Variants in FMNL2 observed in about 807,000 individuals in gnomAD.
FMNL2 encodes the protein formin-like protein 2.
Under a neutral mutation model 130.2 loss-of-function variants are expected in FMNL2, and 51 were observed. That is an observed-to-expected ratio of 0.39 (90% CI 0.31 to 0.49). FMNL2 has a LOEUF of 0.49. Among genes scored for constraint, FMNL2 ranks in the 20% least tolerant of loss-of-function variants. The pLI is 0.85. For missense variants in FMNL2, 977 were observed against 1,316.2 expected (o/e 0.74, Z 3.99); for synonymous variants, 465 against 467.1 (o/e 1.00, Z 0.06).
At chr2:152,534,227 G>T (rs944790967) in intron 2 of FMNL2, among the ~76,000 whole-genome samples, 6 of 152,026 alleles carry the variant, frequency 3.9e-5, no homozygotes, top group African/African-American at 1.4e-4. Context: ...CAGACCCTTC[G>T]CACCACTTAT....
chr2:152,468,404 C>T (rs1363244634), intron 1 of FMNL2, among the ~76,000 whole-genome samples: 1 of 152,136 alleles, frequency 6.6e-6, no homozygotes, highest in African/African-American at 2.4e-5. Flanking sequence ...AAAAACACTT[C>T]AGTTACTGGA....
chr2:152,498,572 T>C (rs1691640917), intron 1 of FMNL2, among the ~76,000 whole-genome samples: 1 of 152,194 alleles, frequency 6.6e-6, no homozygotes, highest in African/African-American at 2.4e-5. Context: ...TACTCTTCCT[T>C]CTTCTATTTG....
At chr2:152,414,376 A>G (rs1410023985) in intron 1 of FMNL2, among the ~76,000 whole-genome samples, 1 of 152,102 alleles carries the variant, frequency 6.6e-6, no homozygotes, top group Non-Finnish European at 1.5e-5. Context: ...AATCTCTCTC[A>G]TAGTAGCTCT....
chr2:152,618,880 C>T lies in FMNL2; in HGVS notation c.1349C>T (p.Thr450Ile), dbSNP rs1699086672. 1 of 1,609,208 alleles carries T rather than the reference C, an allele frequency of 6.2e-7. No homozygotes were observed. Among genetic ancestry groups the T allele is most frequent in the Non-Finnish European group, 8.5e-7 (1 of 1,178,384 alleles). Reference sequence around the variant, plus strand: ...AAAGATGCAAATACTCAAGTTCACACATTAAGAAAAATGGTCAAAGAAAAA... The same window carrying T: ...AAAGATGCAAATACTCAAGTTCACATATTAAGAAAAATGGTCAAAGAAAAA... The part of the protein sequence containing the change: ...IYKDANTQVH[T>I]LRKMVKEKEE... The change falls in exon 14 of 26, where the codon ACA (threonine) becomes ATA (isoleucine). Residue 450 changes from threonine to isoleucine, a missense_variant. Physicochemically the swap from Thr to Ile is moderately conservative, Grantham distance 89. Coordinates refer to ENST00000288670, the MANE Select transcript of FMNL2 (RefSeq NM_052905.4).
rs879831420 is a variant in FMNL2, at chr2:152,446,525, T to TA, written c.118-75409dup. 7.0e-3 allele frequency among the ~76,000 whole-genome samples: 1,054 copies of TA among 151,386 alleles called. 11 individuals are homozygous for TA. Among genetic ancestry groups the TA allele is most frequent in the African/African-American group, 0.024 (995 of 41,320 alleles). On this transcript the variant is annotated intron_variant, in intron 1 of 25. Transcript: ENST00000288670. The stretch of plus-strand genomic sequence containing the variant: ...TTGTTTGAAATTTTACATAATAGGT[T>TA]AAAAAAAAAGCATGCTCTTAGAGAA...
intron 20 of FMNL2, among the ~76,000 whole-genome samples, chr2:152,630,179 G>A (rs1242583633): frequency 1.3e-5 from 2 of 152,132 alleles, no homozygotes; most frequent in Non-Finnish European, 2.9e-5. Context: ...CAATCTAAAG[G>A]TCTAACTGTG....
At chr2:152,415,233 A>G (rs1686543896) in intron 1 of FMNL2, among the ~76,000 whole-genome samples, 3 of 151,864 alleles carry the variant, frequency 2.0e-5, no homozygotes, top group African/African-American at 7.3e-5. Context: ...CCTCTCAGTG[A>G]TGGAGGAGTT....
At chr2:152,428,898 A>T (rs1687332815) in intron 1 of FMNL2, among the ~76,000 whole-genome samples, 1 of 152,144 alleles carries the variant, frequency 6.6e-6, no homozygotes, top group South Asian at 2.1e-4. Context: ...CTAGAGATTC[A>T]TCTAACACTG....
chr2:152,502,932 A>G (rs1053737871), intron 1 of FMNL2, among the ~76,000 whole-genome samples: 1 of 152,110 alleles, frequency 6.6e-6, no homozygotes, highest in Non-Finnish European at 1.5e-5. Context: ...ATGGTTGACC[A>G]GAAGAAGGTA....
chr2:152,474,888 A>G (rs903632154), intron 1 of FMNL2, among the ~76,000 whole-genome samples: 3 of 152,168 alleles, frequency 2.0e-5, no homozygotes, highest in Admixed American at 6.5e-5. Flanking sequence ...TAAAGGCATA[A>G]TGTTGTCTTA....
chr2:152,368,717 A>G (rs1683705736), intron 1 of FMNL2, among the ~76,000 whole-genome samples: 1 of 152,226 alleles, frequency 6.6e-6, no homozygotes. Context: ...TTAATAATTC[A>G]AAGCAGAAGA....
chr2:152,403,627 A>G (rs1392918939), intron 1 of FMNL2, among the ~76,000 whole-genome samples: 1 of 151,856 alleles, frequency 6.6e-6, no homozygotes, highest in African/African-American at 2.4e-5. Context: ...GTGCCTTTGT[A>G]ATGCTTTCTG....
chr2:152,455,522 G>GAAA (rs1688899755), intron 1 of FMNL2, among the ~76,000 whole-genome samples: 1 of 152,090 alleles, frequency 6.6e-6, no homozygotes, highest in South Asian at 2.1e-4. Context: ...ATTTAGATAT[G>GAAA]GGGGCCACTG....
Position 152,648,113 on chromosome 2 carries a change from A to C in FMNL2, c.*208A>C, listed in dbSNP as rs1683778292. ...AAAAATGGAAGTACCTGTTCAGATT[A>C]ATCAAAGCAATAGGATTTGATTTGA... On this transcript the variant is annotated 3_prime_UTR_variant, in exon 26 of 26. Transcript: ENST00000288670. 2 of 520,068 alleles carry C rather than the reference A, an allele frequency of 3.8e-6. No homozygotes were observed. Among genetic ancestry groups the C allele is most frequent in the Non-Finnish European group, 3.4e-6 (1 of 296,068 alleles). 32.2% of individuals were successfully genotyped at this position (520,068 alleles called of 1,614,324 possible).
At chr2:152,543,608 A>G (rs1280761421) in intron 3 of FMNL2, among the ~76,000 whole-genome samples, 1 of 152,036 alleles carries the variant, frequency 6.6e-6, no homozygotes, top group African/African-American at 2.4e-5. Context: ...TTCTTGAGAA[A>G]AGAATGGTAT....
intron 4 of FMNL2, among the ~76,000 whole-genome samples, chr2:152,558,318 G>GAATCC (rs1045736645): frequency 1.3e-5 from 2 of 152,126 alleles, no homozygotes; most frequent in African/African-American, 4.8e-5. Flanking sequence ...CTTGGATTTG[G>GAATCC]AATCCCGCCT....
chr2:152,372,466 A>C (rs559590823), intron 1 of FMNL2, among the ~76,000 whole-genome samples: 178 of 152,258 alleles, frequency 1.2e-3, no homozygotes, highest in Admixed American at 2.0e-3. Context: ...TTAGAGTTTG[A>C]CATAGGGTTC....
intron 1 of FMNL2, among the ~76,000 whole-genome samples, chr2:152,361,583 C>T (rs756113753): frequency 8.5e-5 from 13 of 152,162 alleles, no homozygotes; most frequent in Non-Finnish European, 1.8e-4. Context: ...GTAGGCCACA[C>T]AAGATAGCAT....
intron 23 of FMNL2, among the ~76,000 whole-genome samples, chr2:152,639,560 A>G (rs1174408870): frequency 6.6e-6 from 1 of 152,206 alleles, no homozygotes; most frequent in Non-Finnish European, 1.5e-5. Flanking sequence ...TCCCCTAACA[A>G]TAGGCAGAAG....
Sources: gnomAD v4.1 joint callset for allele counts (sites outside exome capture counted in the v4.1 genomes callset) on GRCh38, gnomAD v4.1.1 for gene constraint, MANE v1.5 for transcripts, NCBI Gene and HGNC (gene_info 2026-07-23, HGNC 2026-07-21) for gene names.